The following PTPRM variants were observed in gnomAD, a reference collection of about 807,000 sequenced individuals.
The protein encoded by PTPRM is receptor-type tyrosine-protein phosphatase mu.
Under a neutral mutation model 186.7 loss-of-function variants are expected in PTPRM, and 47 were observed. The observed-to-expected ratio is 0.25, with a 90% confidence interval of 0.20 to 0.32. The LOEUF (loss-of-function observed/expected upper bound fraction) is 0.32, where lower values mean the gene tolerates loss of function less well. Among genes scored for constraint, PTPRM ranks in the 10% least tolerant of loss-of-function variants. The pLI is 1.00. For missense variants in PTPRM, 1,494 were observed against 1,865.0 expected (o/e 0.80, Z 3.66); for synonymous variants, 668 against 674.9 (o/e 0.99, Z 0.16).
chr18:7,620,851 A>G (rs2037920713), intron 1 of PTPRM, among the ~76,000 whole-genome samples: 5 of 152,146 alleles, frequency 3.3e-5, no homozygotes, highest in Admixed American at 3.3e-4. Context: ...TGAACCTATC[A>G]AAAGCCAGTT....
intron 1 of PTPRM, among the ~76,000 whole-genome samples, chr18:7,767,029 C>T (rs2042046338): frequency 6.6e-6 from 1 of 152,114 alleles, no homozygotes; most frequent in African/African-American, 2.4e-5. Flanking sequence ...CTATATTTTG[C>T]CTTAGGCAGA....
chr18:8,041,918 C>T (rs1411362573), intron 7 of PTPRM, among the ~76,000 whole-genome samples: 2 of 152,192 alleles, frequency 1.3e-5, no homozygotes, highest in African/African-American at 4.8e-5. Context: ...AAATGTAAAA[C>T]TAATGTGCAG....
intron 11 of PTPRM, among the ~76,000 whole-genome samples, chr18:8,111,970 G>A (rs199966836): frequency 6.6e-6 from 1 of 152,172 alleles, no homozygotes; most frequent in Non-Finnish European, 1.5e-5. Flanking sequence ...GTCAACTGTG[G>A]CTGTGCTACA....
At position 7,774,210 on chromosome 18, in the gene PTPRM, C is replaced by T. The variant is rs148329685; in HGVS notation, c.135C>T (p.Asp45=). Residue 45 remains aspartate, a synonymous_variant, in exon 2 of 33, where the codon GAC becomes GAT. Coordinates refer to ENST00000580170, the MANE Select transcript of PTPRM (RefSeq NM_001105244.2). ...TCGYSQSEGD[D]FNWEQVNTLT... ...GATATAGTCAATCTGAAGGTGATGA[C>T]TTCAATTGGGAGCAAGTGAACACCT... 324 of 1,613,772 alleles carry T rather than the reference C, an allele frequency of 2.0e-4. 2 individuals carry two copies. In the African/African-American group the frequency reaches 4.0e-3, roughly 20 times the overall value.
At chr18:7,795,332 G>A (rs1013368295) in intron 2 of PTPRM, among the ~76,000 whole-genome samples, 1 of 152,102 alleles carries the variant, frequency 6.6e-6, no homozygotes, top group African/African-American at 2.4e-5. Flanking sequence ...AGTGGGATCT[G>A]TTTTTTAAAA....
intron 7 of PTPRM, among the ~76,000 whole-genome samples, chr18:8,016,530 C>CAAAAAAAAAAAAAA (rs563624187): frequency 1.4e-5 from 1 of 70,200 alleles, no homozygotes; most frequent in African/African-American, 5.1e-5. Context: ...AAGAGTCTGT[C>CAAAAAAAAAAAAAA]AAAAAAAAAA....
Position 7,618,287 on chromosome 18 carries a change from G to T in PTPRM, c.73+50396G>T, listed in dbSNP as rs140390463. ...GAGTCCTGAGTTAATGGCTTAGAAAGGTGTTGTAATCAACTAAGTTTTCAT... is the reference window on the plus strand; with the variant it reads ...GAGTCCTGAGTTAATGGCTTAGAAATGTGTTGTAATCAACTAAGTTTTCAT... On this transcript the variant is annotated intron_variant, in intron 1 of 32. Transcript: ENST00000580170. 3.3e-5 allele frequency among the ~76,000 whole-genome samples: 5 copies of T among 152,192 alleles called. No homozygotes were observed. In the East Asian group the frequency reaches 7.7e-4, roughly 24 times the overall value.
At chr18:7,751,066 T>A (rs2041192909) in intron 1 of PTPRM, 1 of 150,782 alleles carries the variant, frequency 6.6e-6, no homozygotes, top group Admixed American at 6.7e-5. Context: ...GCCATGGTAA[T>A]GAGGAAGGCT....
At chr18:8,364,853 C>G (rs2095618554) in intron 23 of PTPRM, 1 of 152,200 alleles carries the variant, frequency 6.6e-6, no homozygotes, top group Admixed American at 6.5e-5. Context: ...CTTAGTCCTT[C>G]TTCATCATGG....
At chr18:7,652,437 T>A (rs1198838140) in intron 1 of PTPRM, among the ~76,000 whole-genome samples, 1 of 152,098 alleles carries the variant, frequency 6.6e-6, no homozygotes, top group Non-Finnish European at 1.5e-5. Flanking sequence ...CATGCTGCTA[T>A]AAAGACACAT....
chr18:8,001,856 T>G (rs774031762), intron 7 of PTPRM, among the ~76,000 whole-genome samples: 3 of 152,170 alleles, frequency 2.0e-5, no homozygotes, highest in Non-Finnish European at 4.4e-5. Context: ...ACTGAACACA[T>G]CATATTCTAC....
intron 1 of PTPRM, among the ~76,000 whole-genome samples, chr18:7,760,828 C>T (rs968255292): frequency 3.3e-5 from 5 of 152,100 alleles, no homozygotes; most frequent in African/African-American, 9.7e-5. Context: ...TTGGACTCAC[C>T]TATGCTCCTT....
At chr18:8,274,117 T>G (rs2094805782) in intron 19 of PTPRM, among the ~76,000 whole-genome samples, 1 of 152,150 alleles carries the variant, frequency 6.6e-6, no homozygotes, top group Non-Finnish European at 1.5e-5. Context: ...GTTTCGTGCT[T>G]TGTTGGTGGG....
chr18:7,856,544 A>G (rs752618170), intron 2 of PTPRM, among the ~76,000 whole-genome samples: 2 of 151,870 alleles, frequency 1.3e-5, no homozygotes, highest in African/African-American at 2.4e-5. Flanking sequence ...TTCAAGACCA[A>G]TGTTGGCAAC....
intron 1 of PTPRM, among the ~76,000 whole-genome samples, chr18:7,764,983 G>A (rs1355510144): frequency 6.6e-6 from 1 of 152,176 alleles, no homozygotes; most frequent in East Asian, 1.9e-4. Context: ...ATTCATGCAA[G>A]TGGTTTAATT....
chr18:7,928,104 G>T (rs2051279214), intron 5 of PTPRM, among the ~76,000 whole-genome samples: 1 of 152,092 alleles, frequency 6.6e-6, no homozygotes, highest in Non-Finnish European at 1.5e-5. Context: ...TATGTCCCAA[G>T]ATTAATCAGC....
chr18:7,781,258 C>T lies in PTPRM; in HGVS notation c.196+6987C>T, dbSNP rs1598674954. Among the ~76,000 whole-genome samples, 5 of 152,140 alleles carry T rather than the reference C, an allele frequency of 3.3e-5. No individual in the cohort carries two copies. In the South Asian group the frequency reaches 1.0e-3, roughly 32 times the overall value. ...TTTGATTGGATTAAAAAGCCCCAAG[C>T]TGAAATAAGTCTATTAAAATACAAT... On this transcript the variant is annotated intron_variant, in intron 2 of 32. Coordinates refer to ENST00000580170, the MANE Select transcript of PTPRM (RefSeq NM_001105244.2).
At chr18:7,920,449 A>G (rs900394101) in intron 4 of PTPRM, among the ~76,000 whole-genome samples, 2 of 152,198 alleles carry the variant, frequency 1.3e-5, no homozygotes, top group Admixed American at 1.3e-4. Context: ...GATGACAAAT[A>G]AAAGGACAGA....
intron 14 of PTPRM, among the ~76,000 whole-genome samples, chr18:8,148,534 C>A (rs1283588532): frequency 6.6e-6 from 1 of 152,040 alleles, no homozygotes; most frequent in East Asian, 1.9e-4. Flanking sequence ...ATTTGATCTT[C>A]TTTCTTTTCT....
Sources: gnomAD v4.1 joint callset for allele counts (sites outside exome capture counted in the v4.1 genomes callset) on GRCh38, gnomAD v4.1.1 for gene constraint, MANE v1.5 for transcripts, NCBI Gene and HGNC (gene_info 2026-07-23, HGNC 2026-07-21) for gene names.